The following VTI1A variants were observed in gnomAD, a reference collection of about 807,000 sequenced individuals.
VTI1A encodes vesicle transport through interaction with t-SNAREs homolog 1A.
A neutral mutation model predicts 34.9 loss-of-function variants in VTI1A; 22 were observed. The observed-to-expected ratio is 0.63, with a 90% CI of 0.45 to 0.90. VTI1A has a LOEUF of 0.90. Ranked by LOEUF, VTI1A falls within the 40% of genes least tolerant of loss-of-function variation. VTI1A has a pLI of 0.00. For synonymous variants in VTI1A, 87 were observed against 97.3 expected (o/e 0.89, Z 0.62); for missense variants, 268 against 275.6 (o/e 0.97, Z 0.20).
At chr10:112,730,590 T>G (rs1308433745) in intron 7 of VTI1A, among the ~76,000 whole-genome samples, 1 of 152,032 alleles carries the variant, frequency 6.6e-6, no homozygotes, top group Non-Finnish European at 1.5e-5. Flanking sequence ...TTTTAACCTC[T>G]TTCCCCCTTT....
intron 5 of VTI1A, among the ~76,000 whole-genome samples, chr10:112,622,539 T>C (rs960619668): frequency 2.0e-5 from 3 of 151,008 alleles, no homozygotes; most frequent in Non-Finnish European, 4.4e-5. Context: ...TTCTTTATAA[T>C]GGATTAAGGG....
intron 5 of VTI1A, among the ~76,000 whole-genome samples, chr10:112,576,636 ATCTATAATGG>A (rs528442513): frequency 1.0e-3 from 157 of 152,320 alleles, no homozygotes; most frequent in African/African-American, 3.7e-3. Flanking sequence ...ACCTCCCATC[ATCTATAATGG>A]TAATATTTTA....
At chr10:112,803,372 T>G (rs1852945757) in intron 7 of VTI1A, among the ~76,000 whole-genome samples, 1 of 152,332 alleles carries the variant, frequency 6.6e-6, no homozygotes, top group East Asian at 1.9e-4. Flanking sequence ...CCAGCCTCCT[T>G]CTTCATTTTA....
intron 6 of VTI1A, among the ~76,000 whole-genome samples, 164 bp from the exon 7 acceptor site, chr10:112,668,773 A>G (rs1474218099): frequency 2.0e-5 from 3 of 152,188 alleles, no homozygotes; most frequent in Non-Finnish European, 4.4e-5. Flanking sequence ...CTCCAAATTT[A>G]AGAATTTTCC....
chr10:112,835,183 A>G, the VTI1A span, among the ~76,000 whole-genome samples: 2 of 152,138 alleles, frequency 1.3e-5, no homozygotes, highest in African/African-American at 4.8e-5. Context: ...GCCCTCTCTC[A>G]TGGATGGCAG....
chr10:112,572,796 G>T (rs979070397), intron 5 of VTI1A, among the ~76,000 whole-genome samples: 1 of 148,148 alleles, frequency 6.8e-6, no homozygotes, highest in African/African-American at 2.5e-5. Flanking sequence ...CCGAGATCGC[G>T]CCACTACACT....
intron 5 of VTI1A, among the ~76,000 whole-genome samples, chr10:112,628,009 C>T (rs187551730): frequency 1.3e-5 from 2 of 152,190 alleles, no homozygotes; most frequent in Admixed American, 6.5e-5. Flanking sequence ...GAGAAGTGGA[C>T]GCCAAGGTCT....
intron 5 of VTI1A, among the ~76,000 whole-genome samples, chr10:112,547,850 G>C (rs571194769): frequency 2.0e-4 from 31 of 152,054 alleles, no homozygotes; most frequent in Middle Eastern, 3.4e-3. Context: ...GTTTTTGTTT[G>C]TTTGTTTCTT....
intron 4 of VTI1A, among the ~76,000 whole-genome samples, chr10:112,528,803 G>T (rs755595603): frequency 2.7e-4 from 41 of 152,140 alleles, no homozygotes; most frequent in Admixed American, 7.2e-4. Context: ...AGAAAGGAAG[G>T]GGGTGTGCCT....
intron 7 of VTI1A, among the ~76,000 whole-genome samples, chr10:112,673,064 C>A (rs541256519): frequency 6.6e-6 from 1 of 152,204 alleles, no homozygotes; most frequent in African/African-American, 2.4e-5. Context: ...CACCCGTAAT[C>A]CCAACACTTT....
chr10:112,669,037 T>C, intron 7 of VTI1A, 39 bp downstream of exon 7: 1 of 1,603,696 alleles, frequency 6.2e-7, no homozygotes, highest in Middle Eastern at 1.7e-4. Flanking sequence ...TCTCTGTGTG[T>C]TTTTTTAAAA....
At chr10:112,792,080 T>A (rs1036415617) in intron 7 of VTI1A, among the ~76,000 whole-genome samples, 1 of 152,014 alleles carries the variant, frequency 6.6e-6, no homozygotes, top group East Asian at 1.9e-4. Context: ...TTGAGACCAG[T>A]CTGGCCAACA....
intron 5 of VTI1A, among the ~76,000 whole-genome samples, chr10:112,626,331 T>C (rs1169748444): frequency 2.6e-5 from 4 of 152,164 alleles, no homozygotes; most frequent in Admixed American, 2.6e-4. Context: ...TTTTTTTTAA[T>C]CTACATCTTC....
intron 5 of VTI1A, among the ~76,000 whole-genome samples, chr10:112,621,692 A>G (rs1439504619): frequency 6.6e-6 from 1 of 152,174 alleles, no homozygotes; most frequent in South Asian, 2.1e-4. Context: ...TGTCTCTAGA[A>G]GTCCTTTATA....
intron 3 of VTI1A, among the ~76,000 whole-genome samples, chr10:112,475,673 A>G (rs74729024): frequency 6.6e-6 from 1 of 152,120 alleles, no homozygotes; most frequent in African/African-American, 2.4e-5. Flanking sequence ...ATTATTATCA[A>G]CTTTGTTTGC....
chr10:112,530,442 A>G (rs1050176063), intron 4 of VTI1A, among the ~76,000 whole-genome samples: 4 of 152,200 alleles, frequency 2.6e-5, no homozygotes, highest in Non-Finnish European at 5.9e-5. Flanking sequence ...AAAAGGAAAA[A>G]CACAACTTAT....
At chr10:112,686,441 A>G (rs957902904) in intron 7 of VTI1A, among the ~76,000 whole-genome samples, 2 of 152,148 alleles carry the variant, frequency 1.3e-5, no homozygotes, top group African/African-American at 4.8e-5. Flanking sequence ...ATTGCCCTAG[A>G]TAAGGGGGCC....
intron 1 of VTI1A, chr10:112,450,768 G>A (rs1455659884): frequency 1.3e-5 from 2 of 152,068 alleles, no homozygotes; most frequent in Non-Finnish European, 2.9e-5. Context: ...AACTGAGATG[G>A]GTGAGTTCTT....
chr10:112,668,591 A>G (rs1432579462), intron 6 of VTI1A, among the ~76,000 whole-genome samples: 4 of 152,120 alleles, frequency 2.6e-5, no homozygotes, highest in Non-Finnish European at 2.9e-5. Context: ...ATTGGTGGTC[A>G]TCTTTCCTCA....
Sources: gnomAD v4.1 joint callset for allele counts (sites outside exome capture counted in the v4.1 genomes callset) on GRCh38, gnomAD v4.1.1 for gene constraint, MANE v1.5 for transcripts, NCBI Gene and HGNC (gene_info 2026-07-23, HGNC 2026-07-21) for gene names.